PRKG1: variants seen among roughly 807,000 people sequenced by gnomAD.
PRKG1 encodes the protein protein kinase cGMP-dependent 1.
Under a neutral mutation model 88.1 loss-of-function variants are expected in PRKG1, and 35 were observed. That is an observed-to-expected ratio of 0.40 (90% confidence interval 0.30 to 0.53). The LOEUF (loss-of-function observed/expected upper bound fraction) is 0.53. Among genes scored for constraint, PRKG1 ranks in the 20% least tolerant of loss-of-function variants. The pLI, the probability that PRKG1 is intolerant of heterozygous loss-of-function variation, is 0.59. For synonymous variants in PRKG1, 303 were observed against 292.5 expected (o/e 1.04, Z -0.37); for missense variants, 540 against 839.8 (o/e 0.64, Z 4.41).
At chr10:51,760,716 T>C (rs61849971) in intron 3 of PRKG1, among the ~76,000 whole-genome samples, 61,720 of 151,788 alleles carry the variant, frequency 0.41, 13,139 homozygotes, top group Middle Eastern at 0.55. Context: ...AGGTGATCTG[T>C]CTGCCTCGGC....
intron 3 of PRKG1, among the ~76,000 whole-genome samples, chr10:51,715,019 G>A (rs764532087): frequency 1.3e-4 from 20 of 151,990 alleles, no homozygotes; most frequent in Non-Finnish European, 1.9e-4. Context: ...ATTTCCCCCC[G>A]TGGGATGTGC....
intron 12 of PRKG1, among the ~76,000 whole-genome samples, chr10:52,278,728 C>T (rs1287038679): frequency 6.6e-6 from 1 of 151,712 alleles, no homozygotes; most frequent in Admixed American, 6.6e-5. Context: ...GAGGTCGAAC[C>T]CCCATCTCTA....
chr10:51,407,956 C>T (rs1837968397), intron 2 of PRKG1, among the ~76,000 whole-genome samples: 1 of 151,812 alleles, frequency 6.6e-6, no homozygotes, highest in South Asian at 2.1e-4. Context: ...ACTTTCAGTT[C>T]AATGGAATCA....
intron 2 of PRKG1, among the ~76,000 whole-genome samples, chr10:51,332,595 G>A (rs1012636708): frequency 3.9e-5 from 6 of 152,220 alleles, no homozygotes; most frequent in Admixed American, 2.0e-4. Context: ...AGGTTAGGTA[G>A]TATTAAAGAA....
At chr10:52,074,725 C>T (rs1846588366) in intron 7 of PRKG1, among the ~76,000 whole-genome samples, 2 of 152,040 alleles carry the variant, frequency 1.3e-5, no homozygotes, top group African/African-American at 4.8e-5. Context: ...TTTGGACAGG[C>T]AACAAAGATT....
chr10:52,141,398 T>C (rs7094177), intron 8 of PRKG1, among the ~76,000 whole-genome samples: 3,944 of 152,170 alleles, frequency 0.026, 152 homozygotes, highest in African/African-American at 0.09. Flanking sequence ...GAAATGGTAA[T>C]AGACATTCAT....
At chr10:51,602,769 TGTGTGTGTGTGTATATATTC>T in intron 3 of PRKG1, among the ~76,000 whole-genome samples, 1 of 133,740 alleles carries the variant, frequency 7.5e-6, no homozygotes. Context: ...TGTGTGTGTG[TGTGTGTGTGTGTATATATTC>T]ATATATATAT....
chr10:52,111,331 C>T (rs1034185313), intron 7 of PRKG1, among the ~76,000 whole-genome samples: 1 of 152,180 alleles, frequency 6.6e-6, no homozygotes, highest in South Asian at 2.1e-4. Flanking sequence ...AAAATGTCAG[C>T]TATTATACTA....
intron 2 of PRKG1, among the ~76,000 whole-genome samples, chr10:51,334,999 CT>C (rs918622780): frequency 0.025 from 1,960 of 78,664 alleles, 18 homozygotes; most frequent in African/African-American, 0.091. Context: ...TGTCAGGTTT[CT>C]TTTTTTTTTT....
intron 1 of PRKG1, among the ~76,000 whole-genome samples, chr10:51,124,822 A>G (rs561292745): frequency 4.6e-5 from 7 of 152,200 alleles, no homozygotes; most frequent in Non-Finnish European, 1.0e-4. Flanking sequence ...TCCAGTTTGC[A>G]TATCCTTGCC....
rs1321857689 is a variant in PRKG1, at chr10:52,166,789, A to ATATATATATATATATG, written c.1076+4834_1076+4835insTATATATGTATATATA. Among the ~76,000 whole-genome samples, 17 of 12,798 alleles carry ATATATATATATATATG rather than the reference A, an allele frequency of 1.3e-3. 1 individual carries two copies. Among genetic ancestry groups the ATATATATATATATATG allele is most frequent in the Non-Finnish European group, 4.1e-3 (11 of 2,702 alleles). 8.4% of individuals were successfully genotyped at this position (12,798 alleles called of 152,430 possible). On this transcript the variant is annotated intron_variant, in intron 9 of 17. Coordinates refer to ENST00000373980, the MANE Select transcript of PRKG1 (RefSeq NM_006258.4). ...GCTATTTCTTCAAATAAAAAAGCCTATATATATACATATATATATGTATAT... is the reference window on the plus strand; with the variant it reads ...GCTATTTCTTCAAATAAAAAAGCCTATATATATATATATATGTATATATACATATATATATGTATAT...
chr10:51,177,240 T>C (rs979345034), intron 2 of PRKG1, among the ~76,000 whole-genome samples: 7 of 152,168 alleles, frequency 4.6e-5, no homozygotes, highest in Non-Finnish European at 7.4e-5. Flanking sequence ...TACCATTTGA[T>C]ATAAAGTCTG....
chr10:51,135,028 T>C (rs1443160116), intron 1 of PRKG1, among the ~76,000 whole-genome samples: 1 of 152,192 alleles, frequency 6.6e-6, no homozygotes, highest in Non-Finnish European at 1.5e-5. Context: ...TCATTCCCTG[T>C]CCATGTTGAG....
At chr10:51,694,956 G>A (rs1419250493) in intron 3 of PRKG1, among the ~76,000 whole-genome samples, 1 of 152,084 alleles carries the variant, frequency 6.6e-6, no homozygotes, top group South Asian at 2.1e-4. Context: ...GTTTCTAATT[G>A]TTTTTTGAAA....
intron 4 of PRKG1, among the ~76,000 whole-genome samples, chr10:51,819,990 T>C (rs866715842): frequency 4.6e-5 from 7 of 152,270 alleles, no homozygotes; most frequent in African/African-American, 1.2e-4. Flanking sequence ...TTCAAATAGC[T>C]TTTTTAAAAA....
At chr10:51,627,104 G>GA (rs1381678029) in intron 3 of PRKG1, among the ~76,000 whole-genome samples, 1 of 152,014 alleles carries the variant, frequency 6.6e-6, no homozygotes, top group African/African-American at 2.4e-5. Flanking sequence ...TAACACATTG[G>GA]AAAAAGGAGT....
intron 1 of PRKG1, among the ~76,000 whole-genome samples, chr10:51,123,596 G>A (rs375883978): frequency 3.1e-4 from 47 of 151,694 alleles, no homozygotes; most frequent in African/African-American, 1.1e-3. Flanking sequence ...TGAGGCAGGA[G>A]AATCACTTCC....
chr10:51,177,158 A>G (rs1225946463), intron 2 of PRKG1, among the ~76,000 whole-genome samples: 1 of 152,170 alleles, frequency 6.6e-6, no homozygotes, highest in Non-Finnish European at 1.5e-5. Flanking sequence ...AATGTGTTGA[A>G]CTATTTCCTA....
chr10:51,316,301 T>C lies in PRKG1; in HGVS notation c.479-151422T>C, dbSNP rs542726242. 4.6e-5 allele frequency among the ~76,000 whole-genome samples: 7 copies of C among 152,320 alleles called. No individual in the cohort carries two copies. The South Asian group carries it at 1.5e-3, about 32-fold the overall frequency. The stretch of plus-strand genomic sequence containing the variant: ...ATTATGATAAATCAAATGAAAACTG[T>C]ATTTATATTATTAAACTGAAGAATG... On this transcript the variant is annotated intron_variant, in intron 2 of 17. Transcript: ENST00000373980.
Sources: allele counts gnomAD v4.1 joint callset (sites outside exome capture counted in the v4.1 genomes callset), GRCh38; gene constraint gnomAD v4.1.1; transcripts MANE v1.5; gene names NCBI Gene and HGNC (gene_info 2026-07-23, HGNC 2026-07-21).